MACROD2: variants seen among roughly 807,000 people sequenced by gnomAD.
The protein encoded by MACROD2 is mono-ADP ribosylhydrolase 2, also known as ADP-ribose glycohydrolase MACROD2.
In MACROD2, 36 loss-of-function variants were observed where a neutral mutation model predicts 70.4. The observed-to-expected ratio is 0.51, with a 90% CI of 0.39 to 0.68. The LOEUF is 0.68. MACROD2 is among the 30% of genes least tolerant of loss of function. MACROD2 has a pLI of 0.00. For synonymous variants in MACROD2, 172 were observed against 178.8 expected, an observed-to-expected ratio of 0.96 and a Z score of 0.30; for missense variants, 496 against 538.4, an observed-to-expected ratio of 0.92 and a Z score of 0.78.
intron 5 of MACROD2, among the ~76,000 whole-genome samples, chr20:14,694,606 C>G (rs997592248): frequency 3.9e-5 from 6 of 152,132 alleles, no homozygotes; most frequent in African/African-American, 1.4e-4. Context: ...AGTAATATTG[C>G]AAGTAATTTT....
rs189624969 is a variant in MACROD2 at position 15,867,927 on chromosome 20, C to T, written c.727+5101C>T. 2.0e-5 allele frequency among the ~76,000 whole-genome samples: 3 copies of T among 152,248 alleles called. 1 individual carries two copies. The East Asian group carries it at 5.8e-4, about 29-fold the overall frequency. On this transcript the variant is annotated intron_variant, in intron 9 of 17. Coordinates refer to ENST00000684519, the MANE Select transcript of MACROD2 (RefSeq NM_001351661.2). ...GCGATTTTGCCCTCCTGGGGACATT[C>T]TGAGGCATTTTTGTTTTTCACAGCT...
At chr20:15,186,843 G>T (rs1259483946) in intron 5 of MACROD2, among the ~76,000 whole-genome samples, 2 of 152,146 alleles carry the variant, frequency 1.3e-5, no homozygotes, top group Non-Finnish European at 2.9e-5. Context: ...AGTCTCATTT[G>T]TGTTCCTAAC....
intron 15 of MACROD2, among the ~76,000 whole-genome samples, chr20:15,988,374 A>G (rs2066515033): frequency 6.6e-6 from 1 of 152,162 alleles, no homozygotes. Context: ...TGTGAAATAG[A>G]CAATGCTGTG....
chr20:15,630,727 G>A (rs969033501), intron 8 of MACROD2, among the ~76,000 whole-genome samples: 2 of 152,204 alleles, frequency 1.3e-5, no homozygotes, highest in African/African-American at 4.8e-5. Flanking sequence ...CAAAATGCAA[G>A]GGAGAGGGTG....
intron 5 of MACROD2, among the ~76,000 whole-genome samples, chr20:15,136,949 C>T (rs62202826): frequency 4.2e-5 from 6 of 144,326 alleles, no homozygotes; most frequent in African/African-American, 7.8e-5. Context: ...CCAAAAGACA[C>T]ATGAAAAAAT....
At chr20:15,322,830 G>C (rs1005124879) in intron 6 of MACROD2, among the ~76,000 whole-genome samples, 1 of 143,688 alleles carries the variant, frequency 7.0e-6, no homozygotes, top group Non-Finnish European at 1.6e-5. Flanking sequence ...AAAAAAGTCT[G>C]CCTATTAGAA....
At chr20:15,304,733 T>TAA (rs142711673) in intron 6 of MACROD2, among the ~76,000 whole-genome samples, 11 of 148,740 alleles carry the variant, frequency 7.4e-5, no homozygotes, top group African/African-American at 2.7e-4. Context: ...CTGCCTTATC[T>TAA]AAAAAAAAAA....
At chr20:15,642,368 C>G (rs973081977) in intron 8 of MACROD2, among the ~76,000 whole-genome samples, 1 of 152,280 alleles carries the variant, frequency 6.6e-6, no homozygotes, top group South Asian at 2.1e-4. Context: ...TCCCAGCAAC[C>G]ATTTCCCATT....
At chr20:14,948,785 T>G (rs754037548) in intron 5 of MACROD2, among the ~76,000 whole-genome samples, 1 of 152,166 alleles carries the variant, frequency 6.6e-6, no homozygotes, top group Admixed American at 6.6e-5. Flanking sequence ...CTATGTCAAG[T>G]GCCTAGCCTA....
In MACROD2 at chr20:15,815,399, G is replaced by C. The variant is rs778662320; in HGVS notation, c.646-47346G>C. 1.9e-4 allele frequency among the ~76,000 whole-genome samples: 29 copies of C among 148,718 alleles called. 1 individual carries two copies. Among genetic ancestry groups the C allele is most frequent in the Non-Finnish European group, 3.1e-4 (21 of 67,312 alleles). The stretch of plus-strand genomic sequence containing the variant: ...CATATTTTAACAGAGTTTTTAAATG[G>C]CAAAACAATAGTTCTTTTTTTTTTT... On this transcript the variant is annotated intron_variant, in intron 8 of 17. Coordinates refer to ENST00000684519, the MANE Select transcript of MACROD2 (RefSeq NM_001351661.2).
At chr20:15,522,102 G>C (rs906766205) in intron 8 of MACROD2, among the ~76,000 whole-genome samples, 5 of 152,174 alleles carry the variant, frequency 3.3e-5, no homozygotes, top group African/African-American at 1.2e-4. Context: ...TTCATATGCA[G>C]GGTCAGGACT....
At chr20:15,871,068 C>T (rs1330760548) in intron 9 of MACROD2, among the ~76,000 whole-genome samples, 4 of 148,376 alleles carry the variant, frequency 2.7e-5, no homozygotes, top group Non-Finnish European at 4.4e-5. Context: ...CCCAGCTACT[C>T]GGGATGTTGA....
At chr20:15,673,381 A>G (rs536265941) in intron 8 of MACROD2, among the ~76,000 whole-genome samples, 1 of 152,234 alleles carries the variant, frequency 6.6e-6, no homozygotes, top group Non-Finnish European at 1.5e-5. Flanking sequence ...AGGGAGGGAA[A>G]TCAAACCAGC....
At chr20:15,499,142 G>A (rs1438189981) in intron 7 of MACROD2, among the ~76,000 whole-genome samples, 2 of 152,182 alleles carry the variant, frequency 1.3e-5, no homozygotes, top group Non-Finnish European at 2.9e-5. Flanking sequence ...GAGCATGTAC[G>A]CTTCTGCTCT....
At chr20:14,877,083 A>G (rs1018413956) in intron 5 of MACROD2, among the ~76,000 whole-genome samples, 2 of 152,148 alleles carry the variant, frequency 1.3e-5, no homozygotes, top group African/African-American at 4.8e-5. Context: ...CTTCCAATCC[A>G]TGAGCATGGA....
In MACROD2 at chr20:14,273,510, T is replaced by C. The variant is rs1336830368; in HGVS notation, c.271+187782T>C. Among the ~76,000 whole-genome samples, 6 of 145,202 alleles carry C rather than the reference T, an allele frequency of 4.1e-5. No individual in the cohort carries two copies. The Admixed American group carries it at 4.1e-4, about 10-fold the overall frequency. On this transcript the variant is annotated intron_variant, in intron 3 of 17. Transcript: ENST00000684519. ...ATTCAAAGCAGTGTGTAGAGGGAAA[T>C]TTATAGCACTAAATGCCCACAAGAG... is the stretch of plus-strand genomic sequence containing the variant.
chr20:15,921,317 C>T (rs1002961338), intron 10 of MACROD2, among the ~76,000 whole-genome samples: 1 of 152,204 alleles, frequency 6.6e-6, no homozygotes, highest in African/African-American at 2.4e-5. Context: ...TGAAACATTC[C>T]CTCTTTCCTC....
At chr20:15,848,823 A>G (rs932123103) in intron 8 of MACROD2, among the ~76,000 whole-genome samples, 7 of 152,150 alleles carry the variant, frequency 4.6e-5, no homozygotes, top group African/African-American at 1.7e-4. Context: ...CTCAGAGCCC[A>G]CTGATACAGT....
chr20:15,555,001 A>G (rs551094022), intron 8 of MACROD2, among the ~76,000 whole-genome samples: 1 of 152,366 alleles, frequency 6.6e-6, no homozygotes, highest in African/African-American at 2.4e-5. Context: ...TAAAATGCAG[A>G]TGCTACATTT....
Sources: allele counts gnomAD v4.1 joint callset (sites outside exome capture counted in the v4.1 genomes callset), GRCh38; gene constraint gnomAD v4.1.1; transcripts MANE v1.5; gene names NCBI Gene and HGNC (gene_info 2026-07-23, HGNC 2026-07-21).